Variants in LCMT1 observed in about 807,000 individuals in gnomAD.
The protein encoded by LCMT1 is leucine carboxyl methyltransferase 1.
Under a neutral mutation model 47.7 loss-of-function variants are expected in LCMT1, and 32 were observed. That is an observed-to-expected ratio of 0.67 (90% CI 0.51 to 0.90). The LOEUF is 0.90. LCMT1 is among the 40% of genes least tolerant of loss of function. The pLI is 0.00. For missense variants in LCMT1, 375 were observed against 415.2 expected, an observed-to-expected ratio of 0.90 and a Z score of 0.84; for synonymous variants, 152 against 149.7, an observed-to-expected ratio of 1.02 and a Z score of -0.11.
At chr16:25,146,483 T>G (rs1287573083) in intron 4 of LCMT1, 1 of 152,412 alleles carries the variant, frequency 6.6e-6, no homozygotes, top group Non-Finnish European at 1.5e-5. Context: ...CAAGGTTGGC[T>G]GTCTTCGATT....
chr16:25,152,239 C>G (rs1251341069), intron 5 of LCMT1, among the ~76,000 whole-genome samples: 1 of 152,124 alleles, frequency 6.6e-6, no homozygotes. Context: ...TGGATGACAG[C>G]AGCAGTAGTC....
chr16:25,118,215 T>G (rs1959858267), intron 1 of LCMT1, among the ~76,000 whole-genome samples: 1 of 152,072 alleles, frequency 6.6e-6, no homozygotes, highest in Non-Finnish European at 1.5e-5. Context: ...GGGCCCAGCC[T>G]GCTCTGTGTA....
At chr16:25,170,544 C>T (rs577595468) in intron 8 of LCMT1, among the ~76,000 whole-genome samples, 170 bp from the exon 9 acceptor site, 17 of 152,020 alleles carry the variant, frequency 1.1e-4, no homozygotes, top group East Asian at 2.0e-4. Context: ...CGGGGAGGAT[C>T]GCTTGAGCCC....
chr16:25,140,915 TTCTATC>T (rs1960667126), intron 4 of LCMT1: 1 of 152,180 alleles, frequency 6.6e-6, no homozygotes, highest in African/African-American at 2.4e-5. Context: ...TCCATTTCTG[TTCTATC>T]TCTATTTCCC....
At chr16:25,142,728 A>G (rs1425288848) in intron 4 of LCMT1, 1 of 152,232 alleles carries the variant, frequency 6.6e-6, no homozygotes, top group Non-Finnish European at 1.5e-5. Context: ...GGCTGAGCAA[A>G]GCAACAGAAT....
intron 9 of LCMT1, 64 bp downstream of exon 9, chr16:25,170,869 T>C: frequency 1.0e-6 from 1 of 994,444 alleles, no homozygotes; most frequent in Non-Finnish European, 1.5e-6. Context: ...TGATTGCCTG[T>C]ATTCTTTCAT....
In LCMT1 at chr16:25,164,656, G is replaced by A. The variant is rs955529636; in HGVS notation, c.628G>A (p.Ala210Thr). 13 of 1,613,806 alleles carry A rather than the reference G, an allele frequency of 8.1e-6. No homozygotes were observed. The highest frequency in any genetic ancestry group is 3.3e-5 in the South Asian group (3 of 91,080). ...VLVYMTPEQS[A>T]NLLKWAANSF... ...GGTTTACATGACTCCAGAGCAGTCC[G>A]CAAACCTCCTGAAGTGGGCAGCCAA... The change falls in exon 7 of 11, where the codon GCA becomes ACA. Residue 210 changes from alanine (A) to threonine (T), a missense_variant. Ala to Thr is a moderately conservative substitution (Grantham distance 58, BLOSUM62 0). Coordinates refer to ENST00000399069, the MANE Select transcript of LCMT1 (RefSeq NM_016309.3).
intron 1 of LCMT1, among the ~76,000 whole-genome samples, chr16:25,119,797 C>T (rs1959911287): frequency 6.6e-6 from 1 of 152,034 alleles, no homozygotes; most frequent in Non-Finnish European, 1.5e-5. Flanking sequence ...GCAGGTGCTG[C>T]TTTCCATCCC....
chr16:25,165,192 G>A (rs1961551616), intron 7 of LCMT1, among the ~76,000 whole-genome samples: 1 of 152,204 alleles, frequency 6.6e-6, no homozygotes, highest in Non-Finnish European at 1.5e-5. Context: ...AGGCATGTGA[G>A]CCTAGAGCTG....
intron 8 of LCMT1, among the ~76,000 whole-genome samples, chr16:25,170,462 G>A (rs115501592): frequency 6.6e-6 from 1 of 152,062 alleles, no homozygotes; most frequent in African/African-American, 2.4e-5. Flanking sequence ...AGGAGGTCTG[G>A]TGTGCTTAAG....
Position 25,111,973 on chromosome 16 carries a change from C to T in LCMT1, c.90C>T (p.Cys30=). 6.2e-7 allele frequency: 1 copy of T among 1,613,206 alleles called. No homozygotes were observed. The highest frequency in any genetic ancestry group is 8.5e-7 in the Non-Finnish European group (1 of 1,179,468). ...DADDEGVRGT[C]EDASLCKRFA... ...ACGACGAGGGCGTGCGCGGCACCTG[C>T]GAAGATGCTTCCCTGTGCAAGAGGT... is the stretch of plus-strand genomic sequence containing the variant. The change falls in exon 1 of 11, where the codon TGC becomes TGT. Residue 30 remains cysteine (C), a synonymous_variant. Coordinates refer to ENST00000399069, the MANE Select transcript of LCMT1 (RefSeq NM_016309.3).
chr16:25,177,939 T>G (rs1961999452), intron 10 of LCMT1, 62 bp from the exon 11 acceptor site: 1 of 1,515,540 alleles, frequency 6.6e-7, no homozygotes, highest in Non-Finnish European at 9.2e-7. Flanking sequence ...GGGGGTCCTC[T>G]AGGGGCCTCT....
intron 8 of LCMT1, 51 bp from the exon 9 acceptor site, chr16:25,170,663 C>T (rs753315260): frequency 4.2e-5 from 58 of 1,368,292 alleles, no homozygotes; most frequent in South Asian, 5.9e-5. Flanking sequence ...ATTTGTAAGC[C>T]GGTGCCTGGT....
rs779278958 is a variant in LCMT1, at chr16:25,111,966, G to A, written c.83G>A (p.Gly28Asp). 11 of 1,613,340 alleles carry A rather than the reference G, an allele frequency of 6.8e-6. No individual in the cohort carries two copies. The highest frequency in any genetic ancestry group is 2.7e-5 in the African/African-American group (2 of 74,924). ...SCDADDEGVR[G>D]TCEDASLCKR... The stretch of plus-strand genomic sequence containing the variant: ...GACGCAGACGACGAGGGCGTGCGCG[G>A]CACCTGCGAAGATGCTTCCCTGTGC... The change falls in exon 1 of 11, where the codon GGC becomes GAC. Residue 28 changes from glycine to aspartate, a missense_variant. Gly to Asp is a moderately conservative substitution (Grantham distance 94). Transcript: ENST00000399069.
chr16:25,156,545 C>G (rs1411063254), intron 5 of LCMT1, among the ~76,000 whole-genome samples: 1 of 152,216 alleles, frequency 6.6e-6, no homozygotes, highest in African/African-American at 2.4e-5. Context: ...GGAGACCCTA[C>G]TACCTAGGGA....
chr16:25,127,243 G>A (rs1174606795), intron 1 of LCMT1, among the ~76,000 whole-genome samples: 2 of 152,150 alleles, frequency 1.3e-5, no homozygotes, highest in Non-Finnish European at 2.9e-5. Flanking sequence ...AAAAAGTAAT[G>A]CAGGTTTGCA....
intron 10 of LCMT1, among the ~76,000 whole-genome samples, chr16:25,176,367 A>G (rs879353772): frequency 6.6e-6 from 1 of 151,986 alleles, no homozygotes; most frequent in African/African-American, 2.4e-5. Flanking sequence ...CGGGCAGCTG[A>G]TCCGAAACAG....
At chr16:25,151,391 A>G (rs1300526708) in intron 4 of LCMT1, 163 bp from the exon 5 acceptor site, 1 of 620,398 alleles carries the variant, frequency 1.6e-6, no homozygotes, top group Non-Finnish European at 2.9e-6. Context: ...GGTCAAAAGT[A>G]ATTAAACTGA....
chr16:25,155,328 C>T (rs1961221584), intron 5 of LCMT1, among the ~76,000 whole-genome samples: 1 of 151,948 alleles, frequency 6.6e-6, no homozygotes, highest in Non-Finnish European at 1.5e-5. Flanking sequence ...CCCAGTGCTT[C>T]ACAAGGCTGA....
Sources: allele counts gnomAD v4.1 joint callset (sites outside exome capture counted in the v4.1 genomes callset), GRCh38; gene constraint gnomAD v4.1.1; transcripts MANE v1.5; gene names NCBI Gene and HGNC (gene_info 2026-07-23, HGNC 2026-07-21).